Variants in SPATA13 observed in about 807,000 individuals in gnomAD.
The protein encoded by SPATA13 is spermatogenesis-associated protein 13.
A neutral mutation model predicts 104.0 loss-of-function variants in SPATA13; 50 were observed. That is an observed-to-expected ratio of 0.48 (90% CI 0.38 to 0.61). The LOEUF is 0.61. SPATA13 is among the 20% of genes least tolerant of loss of function. The probability of loss-of-function intolerance (pLI) is 0.00; values close to 1 mark genes in which losing one functional copy is unlikely to be tolerated. For missense variants in SPATA13, 1,524 were observed against 1,690.6 expected (o/e 0.90, Z 1.73); for synonymous variants, 606 against 667.5 (o/e 0.91, Z 1.42).
At chr13:24,269,768 T>A (rs974021919) in intron 4 of SPATA13, among the ~76,000 whole-genome samples, 21 of 124,096 alleles carry the variant, frequency 1.7e-4, no homozygotes, top group African/African-American at 3.1e-4. Context: ...TTTTTTTTTT[T>A]AGTAGAGACA....
intron 2 of SPATA13, among the ~76,000 whole-genome samples, chr13:24,247,639 C>T (rs1159048009): frequency 6.6e-6 from 1 of 152,168 alleles, no homozygotes; most frequent in African/African-American, 2.4e-5. Flanking sequence ...CCTGTCACCA[C>T]ACCTGGCTAA....
intron 2 of SPATA13, 134 bp downstream of exon 2, chr13:24,224,716 T>A (rs763206498): frequency 1.1e-6 from 1 of 895,566 alleles, no homozygotes; most frequent in East Asian, 2.6e-5. Flanking sequence ...ACAGTATTAG[T>A]GGGAATGGGA....
At chr13:24,006,945 C>T (rs1190059615) in intron 2 of SPATA13, among the ~76,000 whole-genome samples, 3 of 152,206 alleles carry the variant, frequency 2.0e-5, no homozygotes, top group Admixed American at 2.0e-4. Context: ...GGCTTTGTCA[C>T]AGTTTTGTCA....
At chr13:24,155,626 G>A (rs533120479) in intron 3 of SPATA13, among the ~76,000 whole-genome samples, 18 of 152,256 alleles carry the variant, frequency 1.2e-4, no homozygotes, top group African/African-American at 4.3e-4. Context: ...AATCCCAATG[G>A]CTTTCTGCAG....
At chr13:24,240,518 A>G (rs745707064) in intron 2 of SPATA13, among the ~76,000 whole-genome samples, 1 of 152,130 alleles carries the variant, frequency 6.6e-6, no homozygotes, top group Non-Finnish European at 1.5e-5. Context: ...GGCACAGGAC[A>G]TGGTCACGGG....
At chr13:24,198,884 T>A (rs1042354969) in intron 1 of SPATA13, among the ~76,000 whole-genome samples, 3 of 152,116 alleles carry the variant, frequency 2.0e-5, no homozygotes, top group African/African-American at 7.2e-5. Context: ...ATGCAGGACC[T>A]TTTCTGCTGT....
chr13:24,123,836 G>A, intron 3 of SPATA13: 1 of 779,390 alleles, frequency 1.3e-6, no homozygotes, highest in South Asian at 1.5e-5. Flanking sequence ...AGGCAGTGAA[G>A]GCCCATTGGG....
At chr13:24,299,521 C>T (rs955674891) in intron 11 of SPATA13, among the ~76,000 whole-genome samples, 3 of 152,174 alleles carry the variant, frequency 2.0e-5, no homozygotes, top group Non-Finnish European at 4.4e-5. Flanking sequence ...AGCCCGGTGG[C>T]CAGCGTACAG....
chr13:24,174,659 C>T (rs1206804105), intron 1 of SPATA13, among the ~76,000 whole-genome samples: 2 of 152,182 alleles, frequency 1.3e-5, no homozygotes, highest in African/African-American at 2.4e-5. Context: ...TCACTGCAAC[C>T]TCCGCCTCCC....
At chr13:24,130,498 G>A (rs566501561) in intron 3 of SPATA13, among the ~76,000 whole-genome samples, 3 of 152,378 alleles carry the variant, frequency 2.0e-5, no homozygotes, top group East Asian at 1.9e-4. Flanking sequence ...GCAGAAGTAC[G>A]TGGGAGGGGT....
intron 3 of SPATA13, among the ~76,000 whole-genome samples, chr13:24,023,283 G>A (rs1877067511): frequency 6.6e-6 from 1 of 152,124 alleles, no homozygotes; most frequent in Non-Finnish European, 1.5e-5. Context: ...TGGCTGTATA[G>A]TATTCCATGG....
At chr13:24,210,481 A>C (rs1226059374) in intron 1 of SPATA13, among the ~76,000 whole-genome samples, 2 of 151,988 alleles carry the variant, frequency 1.3e-5, no homozygotes, top group African/African-American at 4.8e-5. Context: ...TTGCATGTGG[A>C]TATTCAGTTT....
intron 3 of SPATA13, among the ~76,000 whole-genome samples, chr13:24,109,077 T>G (rs1467109348): frequency 6.6e-6 from 1 of 152,162 alleles, no homozygotes; most frequent in East Asian, 1.9e-4. Context: ...CTCATTTACA[T>G]TAGGTATTTC....
At chr13:24,202,522 T>TC (rs1870472471) in intron 1 of SPATA13, among the ~76,000 whole-genome samples, 4 of 15,706 alleles carry the variant, frequency 2.5e-4, no homozygotes, top group Admixed American at 1.1e-3. Context: ...TTCTTTCCCT[T>TC]TTTTTTTTTT....
intron 3 of SPATA13, among the ~76,000 whole-genome samples, chr13:24,118,994 C>T (rs907961728): frequency 6.6e-6 from 1 of 150,714 alleles, no homozygotes. Flanking sequence ...CAACCTCCAC[C>T]TCCTGGGTTC....
intron 2 of SPATA13, among the ~76,000 whole-genome samples, chr13:24,237,713 C>G (rs1341944455): frequency 6.6e-6 from 1 of 151,920 alleles, no homozygotes; most frequent in Non-Finnish European, 1.5e-5. Context: ...CCTGTAATCT[C>G]AAGCTACTCA....
At chr13:23,984,209 T>G (rs1046883624) in intron 2 of SPATA13, among the ~76,000 whole-genome samples, 5 of 152,244 alleles carry the variant, frequency 3.3e-5, no homozygotes, top group African/African-American at 9.6e-5. Flanking sequence ...GTGTCTGTTT[T>G]GTAAAGGTAG....
At chr13:24,019,400 T>G (rs1194614662) in intron 3 of SPATA13, among the ~76,000 whole-genome samples, 4 of 152,208 alleles carry the variant, frequency 2.6e-5, no homozygotes, top group Non-Finnish European at 5.9e-5. Context: ...GATTCTTATT[T>G]ATAAAAGAAA....
intron 2 of SPATA13, chr13:23,984,056 A>C (rs1875036294): frequency 1.8e-6 from 1 of 545,976 alleles, no homozygotes; most frequent in South Asian, 8.0e-5. Context: ...GTTTTCACTG[A>C]GGCATTGAGC....
Sources: allele counts gnomAD v4.1 joint callset (sites outside exome capture counted in the v4.1 genomes callset), GRCh38; gene constraint gnomAD v4.1.1; transcripts MANE v1.5; gene names NCBI Gene and HGNC (gene_info 2026-07-23, HGNC 2026-07-21).